Variants in ZW10 observed in about 807,000 individuals in gnomAD.
ZW10 encodes the protein centromere/kinetochore protein zw10 homolog.
Under a neutral mutation model 87.8 loss-of-function variants are expected in ZW10, and 53 were observed. That is an observed-to-expected ratio of 0.60 (90% CI 0.48 to 0.76). ZW10 has a LOEUF of 0.76. Ranked by LOEUF, ZW10 falls within the 30% of genes least tolerant of loss-of-function variation. The pLI, the probability that ZW10 is intolerant of heterozygous loss-of-function variation, is 0.00. For synonymous variants in ZW10, 312 were observed against 329.2 expected, an observed-to-expected ratio of 0.95 and a Z score of 0.57; for missense variants, 837 against 923.0, an observed-to-expected ratio of 0.91 and a Z score of 1.21.
chr11:113,773,455 G>T, intron 1 of ZW10, 107 bp downstream of exon 1: 1 of 890,504 alleles, frequency 1.1e-6, no homozygotes, highest in Non-Finnish European at 1.7e-6. Context: ...GCCCCACTCT[G>T]CTGGTCCCCA....
chr11:113,738,159 C>T (rs1349339950), intron 13 of ZW10, 105 bp downstream of exon 13: 18 of 1,280,390 alleles, frequency 1.4e-5, no homozygotes, highest in Non-Finnish European at 1.9e-5. Flanking sequence ...TGCAGGGAAT[C>T]AACTGAATAC....
At chr11:113,767,015 CA>C (rs1158808528) in intron 2 of ZW10, among the ~76,000 whole-genome samples, 3 of 151,742 alleles carry the variant, frequency 2.0e-5, no homozygotes, top group Non-Finnish European at 2.9e-5. Flanking sequence ...GAATCTGTCT[CA>C]AAAAAAATTT....
In ZW10 at chr11:113,737,582, G is replaced by C. The variant is rs780135496; in HGVS notation, c.2006C>G (p.Thr669Ser). 6.2e-6 allele frequency: 10 copies of C among 1,611,740 alleles called. No homozygotes were observed. Among genetic ancestry groups the C allele is most frequent in the Non-Finnish European group, 8.5e-6 (10 of 1,178,344 alleles). The change falls in exon 14 of 16, where the codon ACT (threonine) becomes AGT (serine). Residue 669 changes from threonine to serine, a missense_variant. Coordinates refer to ENST00000200135, the MANE Select transcript of ZW10 (RefSeq NM_004724.4). Reference sequence around the variant, plus strand: ...TCTAATGGCCCTTACCTCTAGGGCAGTAATTTTGCCAATGACCTCAGAAAT... The same window carrying C: ...TCTAATGGCCCTTACCTCTAGGGCACTAATTTTGCCAATGACCTCAGAAAT... ...TAISEVIGKI[T>S]ALEDISTEDG...
At chr11:113,740,364 G>A (rs1299710516) in intron 11 of ZW10, among the ~76,000 whole-genome samples, 1 of 152,126 alleles carries the variant, frequency 6.6e-6, no homozygotes, top group East Asian at 1.9e-4. Context: ...CAAGGCAGGA[G>A]GATCACTTGA....
chr11:113,735,087 A>C (rs1342731016), intron 15 of ZW10, among the ~76,000 whole-genome samples: 1 of 152,168 alleles, frequency 6.6e-6, no homozygotes, highest in African/African-American at 2.4e-5. Context: ...TAGGTACATG[A>C]AATTTATTCT....
chr11:113,733,584 T>G lies in ZW10; in HGVS notation c.*110A>C. 1 of 1,460,704 alleles carries G rather than the reference T, an allele frequency of 6.8e-7. No homozygotes were observed. The highest frequency in any genetic ancestry group is 9.5e-7 in the Non-Finnish European group (1 of 1,058,172). The allele number at this position is 1,460,704 out of a possible 1,614,324, so 90.5% of individuals were successfully genotyped here. ...CTTCTGTAAAGTCAAACTTCCAAGATGTACTGGTTCACCAAAACCAATGGG... is the reference window on the plus strand; with the variant it reads ...CTTCTGTAAAGTCAAACTTCCAAGAGGTACTGGTTCACCAAAACCAATGGG... On this transcript the variant is annotated 3_prime_UTR_variant, in exon 16 of 16. Coordinates refer to ENST00000200135, the MANE Select transcript of ZW10 (RefSeq NM_004724.4).
At chr11:113,758,192 A>G (rs1953814583) in intron 6 of ZW10, among the ~76,000 whole-genome samples, 1 of 147,112 alleles carries the variant, frequency 6.8e-6, no homozygotes, top group African/African-American at 2.5e-5. Flanking sequence ...AACACTTCTA[A>G]AAAGTAAGCA....
chr11:113,773,173 G>C (rs1410862010), intron 1 of ZW10, among the ~76,000 whole-genome samples: 1 of 151,712 alleles, frequency 6.6e-6, no homozygotes, highest in East Asian at 1.9e-4. Flanking sequence ...CCTCTCCTGC[G>C]CTCGCTCCCT....
At position 113,764,608 on chromosome 11, in the gene ZW10, C is replaced by G. The variant is rs558196551; in HGVS notation, c.241-3690G>C. On this transcript the variant is annotated intron_variant, in intron 2 of 15. Transcript: ENST00000200135. ...TCTATTTTTAAATTTTTTGTTTTAA[C>G]TTTGTAAACTTTCCTGTTAAAAACT... 2.6e-5 allele frequency among the ~76,000 whole-genome samples: 4 copies of G among 152,020 alleles called. No individual in the cohort carries two copies. The East Asian group carries it at 7.7e-4, about 29-fold the overall frequency.
At chr11:113,768,229 A>G (rs1244973306) in intron 2 of ZW10, among the ~76,000 whole-genome samples, 1 of 152,246 alleles carries the variant, frequency 6.6e-6, no homozygotes, top group African/African-American at 2.4e-5. Context: ...CAGAGCTTCA[A>G]ATATTGAAAA....
At position 113,743,767 on chromosome 11, in the gene ZW10, G is replaced by A. The variant is rs746410995; in HGVS notation, c.1511+35C>T. 5.2e-6 allele frequency: 8 copies of A among 1,534,484 alleles called. No individual in the cohort carries two copies. In the Admixed American group the frequency reaches 1.2e-4, roughly 23 times the overall value. On this transcript the variant is annotated intron_variant, in intron 10 of 15. Transcript: ENST00000200135. ...TCTAGTTAGATATGCATTTAACCAA[G>A]TCATTGCCATTTTCACACAACCCAG...
chr11:113,740,884 T>G (rs575820979), intron 11 of ZW10, among the ~76,000 whole-genome samples: 7 of 152,328 alleles, frequency 4.6e-5, no homozygotes, highest in Non-Finnish European at 7.4e-5. Context: ...CTAACTCCAC[T>G]CCTGTCTTTA....
chr11:113,738,266 G>A lies in ZW10; in HGVS notation c.1882C>T (p.Gln628Ter). The change falls in exon 13 of 16, where the codon CAG (glutamine) becomes TAG (stop). Residue 628 changes from glutamine to a stop codon, truncating the protein, a stop_gained and splice_region_variant. Transcript: ENST00000200135. LOFTEE classifies it high-confidence loss of function. ...CAGTGCTAGCAAGAGCCTCCTACCTGCCGGACTGCTTTACTTGCTGCAGAA... is the reference window on the plus strand; with the variant it reads ...CAGTGCTAGCAAGAGCCTCCTACCTACCGGACTGCTTTACTTGCTGCAGAA... ...NYSAASKAVR[Q>*]VLHQLKRLGI... The A allele has an allele frequency of 6.2e-7, 1 of 1,606,014 alleles. No individual in the cohort carries two copies. Among genetic ancestry groups the A allele is most frequent in the South Asian group, 1.1e-5 (1 of 89,394 alleles).
intron 1 of ZW10, among the ~76,000 whole-genome samples, chr11:113,770,720 A>C (rs1565290005): frequency 1.3e-5 from 2 of 150,984 alleles, no homozygotes. Context: ...TGGGAGGCTG[A>C]GGCAGGAGAA....
At chr11:113,738,646 T>C (rs147665784) in intron 12 of ZW10, among the ~76,000 whole-genome samples, 1 of 152,054 alleles carries the variant, frequency 6.6e-6, no homozygotes, top group East Asian at 1.9e-4. Context: ...CTAAGAAAAA[T>C]TACTATAGAA....
rs374465436 is a variant in ZW10 at position 113,760,272 on chromosome 11, T to C, written c.517A>G (p.Ile173Val). ...SMELTIQKQN[I>V]LYHLGEEWQK... ...CACTCTTCTCCAAGGTGATAAAGTA[T>C]GTTCTGTTTCTGTATTGTGAGCTCC... is the stretch of plus-strand genomic sequence containing the variant. The change falls in exon 5 of 16, where the codon ATA (isoleucine) becomes GTA (valine). Residue 173 changes from isoleucine (I) to valine (V), a missense_variant. By Grantham distance (29) the Ile-to-Val change is conservative (BLOSUM62 3). Coordinates refer to ENST00000200135, the MANE Select transcript of ZW10 (RefSeq NM_004724.4). 12 of 1,614,060 alleles carry C rather than the reference T, an allele frequency of 7.4e-6. No homozygotes were observed. Among genetic ancestry groups the C allele is most frequent in the Admixed American group, 1.7e-5 (1 of 60,000 alleles).
intron 12 of ZW10, among the ~76,000 whole-genome samples, chr11:113,738,999 T>C (rs1211139363): frequency 6.6e-6 from 1 of 152,166 alleles, no homozygotes; most frequent in Non-Finnish European, 1.5e-5. Context: ...CATGAAATCA[T>C]GTTACAAAAA....
At chr11:113,741,333 T>C (rs925782796) in intron 11 of ZW10, among the ~76,000 whole-genome samples, 1 of 152,164 alleles carries the variant, frequency 6.6e-6, no homozygotes, top group Non-Finnish European at 1.5e-5. Context: ...TTTGTTGACA[T>C]GTTATCAAAG....
intron 15 of ZW10, among the ~76,000 whole-genome samples, chr11:113,734,914 TTA>T (rs1404891342): frequency 2.0e-5 from 3 of 152,152 alleles, no homozygotes; most frequent in Non-Finnish European, 4.4e-5. Context: ...AGTCTAAACT[TTA>T]TGTTATTTAG....
Sources: gnomAD v4.1 joint callset for allele counts (sites outside exome capture counted in the v4.1 genomes callset) on GRCh38, gnomAD v4.1.1 for gene constraint, MANE v1.5 for transcripts, NCBI Gene and HGNC (gene_info 2026-07-23, HGNC 2026-07-21) for gene names.